WNK1: variants seen among roughly 807,000 people sequenced by gnomAD.
The protein encoded by WNK1 is serine/threonine-protein kinase WNK1.
A neutral mutation model predicts 222.8 loss-of-function variants in WNK1; 38 were observed. The observed-to-expected ratio is 0.17, with a 90% CI of 0.13 to 0.22. The LOEUF (loss-of-function observed/expected upper bound fraction) is 0.22, where lower values mean the gene tolerates loss of function less well. Ranked by LOEUF, WNK1 falls within the 10% of genes least tolerant of loss-of-function variation. The pLI is 1.00. For missense variants in WNK1, 2,348 were observed against 2,918.4 expected (o/e 0.80, Z 4.50); for synonymous variants, 1,090 against 1,092.9 (o/e 1.00, Z 0.05).
At chr12:768,663 G>A (rs1448510265) in intron 1 of WNK1, among the ~76,000 whole-genome samples, 2 of 152,144 alleles carry the variant, frequency 1.3e-5, no homozygotes, top group Non-Finnish European at 1.5e-5. Flanking sequence ...TATTTACTGA[G>A]TGTGTACTTG....
In WNK1 at chr12:879,641, G is replaced by A. The variant is rs201808550; in HGVS notation, c.2442G>A (p.Ser814=). The A allele has an allele frequency of 8.1e-6, 13 of 1,612,524 alleles. No individual in the cohort carries two copies. The highest frequency in any genetic ancestry group is 1.7e-4 in the Middle Eastern group (1 of 6,048). Residue 814 remains serine (S), a synonymous_variant, in exon 11 of 28, where the codon TCG becomes TCA. Transcript: ENST00000315939. The stretch of plus-strand genomic sequence containing the variant: ...AGATCCCAGTTGCGACACAACCCTC[G>A]GTTGTTCCAGTCCACTCTGGTGCTC... ...EPQIPVATQP[S]VVPVHSGAHF...
chr12:911,411 T>C lies in WNK1; in HGVS notation c.*2619T>C. On this transcript the variant is annotated 3_prime_UTR_variant, in exon 28 of 28. Coordinates refer to ENST00000315939, the MANE Select transcript of WNK1 (RefSeq NM_018979.4). ...TCAGTTTGTTACCTTTGTAGACTTA[T>C]TTAATGAAACCATTCAAATAAACCA... The C allele has an allele frequency of 2.5e-6, 1 of 398,412 alleles. No individual in the cohort carries two copies. Among genetic ancestry groups the C allele is most frequent in the Non-Finnish European group, 4.4e-6 (1 of 225,942 alleles). The allele number at this position is 398,412 out of a possible 1,614,324, so 24.7% of individuals were successfully genotyped here.
intron 1 of WNK1, among the ~76,000 whole-genome samples, chr12:810,791 G>A (rs36092349): frequency 0.12 from 18,400 of 152,172 alleles, 1,451 homozygotes; most frequent in Middle Eastern, 0.19. Flanking sequence ...CACTCCAGAA[G>A]AAATTACATC....
intron 22 of WNK1, among the ~76,000 whole-genome samples, chr12:892,328 C>G (rs1954328422): frequency 6.6e-6 from 1 of 152,000 alleles, no homozygotes; most frequent in Non-Finnish European, 1.5e-5. Context: ...ACCATATAGT[C>G]TCTTGCAACT....
chr12:753,886 C>A lies in WNK1; in HGVS notation c.321C>A (p.Ile107=). ...GLPLSLPQPS[I]PAAVPQSAPP... is the part of the protein sequence containing the mutation. ...CTCTTTCCCTGCCCCAGCCCAGCAT[C>A]CCCGCGGCTGTCCCGCAGAGTGCTC... is the stretch of plus-strand genomic sequence containing the variant. The change falls in exon 1 of 28, where the codon ATC becomes ATA. Residue 107 remains isoleucine, a synonymous_variant. Coordinates refer to ENST00000315939, the MANE Select transcript of WNK1 (RefSeq NM_018979.4). The surrounding 1 kb of genome is among the most constrained non-coding windows in gnomAD (Gnocchi z 5.2). 6.2e-7 allele frequency: 1 copy of A among 1,612,070 alleles called. No individual in the cohort carries two copies.
intron 4 of WNK1, among the ~76,000 whole-genome samples, chr12:846,201 G>C (rs1950012781): frequency 6.6e-6 from 1 of 152,174 alleles, no homozygotes; most frequent in African/African-American, 2.4e-5. Flanking sequence ...TTTGAGCTCT[G>C]AGTAAAGGTT....
At chr12:889,621 G>A (rs564664387) in intron 21 of WNK1, among the ~76,000 whole-genome samples, 39 of 152,118 alleles carry the variant, frequency 2.6e-4, no homozygotes, top group South Asian at 4.2e-4. Context: ...GATCGAGACC[G>A]TCCTGGCTAA....
intron 1 of WNK1, among the ~76,000 whole-genome samples, chr12:809,550 T>G (rs1253301542): frequency 1.3e-5 from 2 of 152,198 alleles, no homozygotes; most frequent in East Asian, 1.9e-4. Context: ...TCAAAACACC[T>G]TGAAAGCCAT....
intron 1 of WNK1, among the ~76,000 whole-genome samples, chr12:786,949 G>T (rs1236637663): frequency 6.6e-6 from 1 of 151,672 alleles, no homozygotes; most frequent in Non-Finnish European, 1.5e-5. Context: ...GTTTTAATTG[G>T]TATGTTTGGA....
At chr12:891,414 A>C (rs1223988961) in intron 22 of WNK1, among the ~76,000 whole-genome samples, 1 of 152,232 alleles carries the variant, frequency 6.6e-6, no homozygotes, top group Non-Finnish European at 1.5e-5. Flanking sequence ...CTGGGATTAC[A>C]GGCGTGAGCC....
chr12:891,381 G>T (rs1393204337), intron 22 of WNK1, among the ~76,000 whole-genome samples: 1 of 152,128 alleles, frequency 6.6e-6, no homozygotes, highest in Admixed American at 6.5e-5. Flanking sequence ...CAGGTGATCT[G>T]CCCGCCTCGG....
chr12:879,889 C>A lies in WNK1; in HGVS notation c.2690C>A (p.Pro897Gln). Reference sequence around the variant, plus strand: ...TCAACTGTGGTTCCTAGTCAGCTTCCAACCCTTCTGCAGCCTGTGACTCAG... The same window carrying A: ...TCAACTGTGGTTCCTAGTCAGCTTCAAACCCTTCTGCAGCCTGTGACTCAG... ...GVSTVVPSQL[P>Q]TLLQPVTQLP... The change falls in exon 11 of 28, where the codon CCA becomes CAA. Residue 897 changes from proline (P) to glutamine (Q), a missense_variant. Around this residue, in one of 13 missense-constraint regions of WNK1, gnomAD observed 547 missense variants for 558.3 expected, o/e 0.98. Coordinates refer to ENST00000315939, the MANE Select transcript of WNK1 (RefSeq NM_018979.4). 2 of 1,614,146 alleles carry A rather than the reference C, an allele frequency of 1.2e-6. No homozygotes were observed. The highest frequency in any genetic ancestry group is 1.7e-6 in the Non-Finnish European group (2 of 1,180,012).
In WNK1 at chr12:757,756, AG is replaced by A. The variant is rs1940343003; in HGVS notation, c.759+3433del. Reference sequence around the variant, plus strand: ...ATTTCCTTTAAGAAAACATTGATGGAGCCGGGTGCGGTGGCTCACGCCTGTA... The same window carrying A: ...ATTTCCTTTAAGAAAACATTGATGGACCGGGTGCGGTGGCTCACGCCTGTA... On this transcript the variant is annotated intron_variant, in intron 1 of 27. Transcript: ENST00000315939. Among the ~76,000 whole-genome samples, 6 of 142,686 alleles carry A rather than the reference AG, an allele frequency of 4.2e-5. 2 individuals are homozygous for A. The highest frequency in any genetic ancestry group is 7.9e-5 in the Non-Finnish European group (5 of 63,396). The allele number at this position is 142,686 out of a possible 152,430, so 93.6% of individuals were successfully genotyped here. A position where few individuals can be genotyped will look rare whatever the true frequency, so the allele number is the denominator to read the frequency against.
chr12:776,720 G>A (rs184528842), intron 1 of WNK1, among the ~76,000 whole-genome samples: 3 of 152,260 alleles, frequency 2.0e-5, no homozygotes, highest in East Asian at 3.9e-4. Context: ...GTGAGCTACC[G>A]CGCCTGGCCC....
At position 861,092 on chromosome 12, in the gene WNK1, G is replaced by T. The variant is rs1239598796; in HGVS notation, c.1700G>T (p.Arg567Met). The T allele has an allele frequency of 6.2e-7, 1 of 1,613,868 alleles. No individual in the cohort carries two copies. The highest frequency in any genetic ancestry group is 1.1e-5 in the South Asian group (1 of 91,068). Residue 567 changes from arginine to methionine, a missense_variant, in exon 7 of 28, where the codon AGG (arginine) becomes ATG (methionine). By Grantham distance (91) the Arg-to-Met change is moderately conservative (BLOSUM62 -1). Around this residue, in one of 13 missense-constraint regions of WNK1, gnomAD observed 103 missense variants for 111.5 expected, o/e 0.92. Transcript: ENST00000315939. The stretch of plus-strand genomic sequence containing the variant: ...AAAGACAGAGTATCATTAATTAAGA[G>T]GAAACGAGAGCAGCGGCAGTTGGTA... ...AIKDRVSLIK[R>M]KREQRQLVRE... is the part of the protein sequence containing the mutation.
At chr12:843,415 G>A (rs946064589) in intron 4 of WNK1, among the ~76,000 whole-genome samples, 1 of 152,138 alleles carries the variant, frequency 6.6e-6, no homozygotes, top group African/African-American at 2.4e-5. Context: ...GTATATGTTG[G>A]TATCAATAAC....
At position 883,430 on chromosome 12, in the gene WNK1, G is replaced by A; in HGVS notation, c.3525G>A (p.Glu1175=). ...ACTTTATTCTAGCAATAGAGAGAGA[G>A]TCGTTTGTGGATCAAGTGCGAGAAA... ...NNDFILAIER[E]SFVDQVREII... The change falls in exon 16 of 28, where the codon GAG becomes GAA. Residue 1175 remains glutamate, a synonymous_variant. Coordinates refer to ENST00000315939, the MANE Select transcript of WNK1 (RefSeq NM_018979.4). The A allele has an allele frequency of 6.2e-7, 1 of 1,614,196 alleles. No individual in the cohort carries two copies. The highest frequency in any genetic ancestry group is 1.1e-5 in the South Asian group (1 of 91,088).
In WNK1 at chr12:910,284, AT is replaced by A. The variant is rs941030396; in HGVS notation, c.*1493del. 7.8e-6 allele frequency: 1 copy of A among 127,908 alleles called. No homozygotes were observed. The highest frequency in any genetic ancestry group is 2.7e-5 in the African/African-American group (1 of 37,322). The allele number at this position is 127,908 out of a possible 1,614,324, so 7.9% of individuals were successfully genotyped here. A position where few individuals can be genotyped will look rare whatever the true frequency, so the allele number is the denominator to read the frequency against. On this transcript the variant is annotated 3_prime_UTR_variant, in exon 28 of 28. Transcript: ENST00000315939. ...GGGTACTACATTTTGTGGAAAGTTAATCTATCTATCTTTCCACATCTGAATT... is the reference window on the plus strand; with the variant it reads ...GGGTACTACATTTTGTGGAAAGTTAACTATCTATCTTTCCACATCTGAATT...
Position 885,015 on chromosome 12 carries a change from C to G in WNK1, c.4211C>G (p.Ser1404Cys). ...GGTGGTCTCCCCATACCACCTGTGTCTGAATCACCAGTACTTTCCAGCGTA... is the reference window on the plus strand; with the variant it reads ...GGTGGTCTCCCCATACCACCTGTGTGTGAATCACCAGTACTTTCCAGCGTA... ...TSGGLPIPPV[S>C]ESPVLSSVVS... Residue 1404 changes from serine (S) to cysteine (C), a missense_variant, in exon 19 of 28, where the codon TCT becomes TGT. Physicochemically the swap from Ser to Cys is moderately radical, Grantham distance 112. This residue lies in a region of WNK1 where 1,144 missense variants were observed against 1,273.6 expected (regional missense o/e 0.90). Coordinates refer to ENST00000315939, the MANE Select transcript of WNK1 (RefSeq NM_018979.4). The G allele has an allele frequency of 1.2e-6, 2 of 1,614,192 alleles. No individual in the cohort carries two copies. The highest frequency in any genetic ancestry group is 1.7e-6 in the Non-Finnish European group (2 of 1,180,028).
Sources: gnomAD v4.1 joint callset for allele counts (sites outside exome capture counted in the v4.1 genomes callset) on GRCh38, gnomAD v4.1.1 for gene constraint, gnomAD v4.1.1 regional missense constraint, Gnocchi (gnomAD v3.1) non-coding constraint, MANE v1.5 for transcripts, NCBI Gene and HGNC (gene_info 2026-07-23, HGNC 2026-07-21) for gene names.